The following SRGAP2C variants were observed in gnomAD, a reference collection of about 807,000 sequenced individuals.
The protein encoded by SRGAP2C is SLIT-ROBO Rho GTPase-activating protein 2C.
A neutral mutation model predicts 25.1 loss-of-function variants in SRGAP2C; 15 were observed. The ratio of observed to expected loss-of-function variants is 0.60; its 90% confidence interval spans 0.40 to 0.92. The LOEUF is 0.92. SRGAP2C is among the 40% of genes least tolerant of loss of function. The probability of loss-of-function intolerance (pLI) is 0.00; values close to 1 mark genes in which losing one functional copy is unlikely to be tolerated. For missense variants in SRGAP2C, 144 were observed against 264.4 expected, an observed-to-expected ratio of 0.54 and a Z score of 3.16; for synonymous variants, 44 against 96.6, an observed-to-expected ratio of 0.46 and a Z score of 3.19.
At chr1:121,307,714 C>CA (rs1353042496) in intron 3 of SRGAP2C, among the ~76,000 whole-genome samples, 3 of 149,974 alleles carry the variant, frequency 2.0e-5, no homozygotes, top group African/African-American at 7.4e-5. Context: ...AGGATGACCC[C>CA]AATCACTTAG....
intron 3 of SRGAP2C, chr1:121,314,801 C>A (rs1444251798): frequency 1.1e-5 from 5 of 447,996 alleles, no homozygotes; most frequent in African/African-American, 2.0e-5. Flanking sequence ...CTCCAGCTGC[C>A]TGCTGGGAGA....
intron 2 of SRGAP2C, among the ~76,000 whole-genome samples, chr1:121,202,340 C>T (rs1181295221): frequency 1.9e-4 from 29 of 152,096 alleles, no homozygotes; most frequent in Non-Finnish European, 2.9e-5. Flanking sequence ...CTCCTCACTT[C>T]CTCCAGTGTT....
Position 121,318,662 on chromosome 1 carries a change from T to C in SRGAP2C, c.261-5816T>C, listed in dbSNP as rs1553340768. ...AGAAATTATATTCTGCTTAGATGTA[T>C]TGATAGTTGCCATCTCGCTATGCAG... On this transcript the variant is annotated intron_variant, in intron 3 of 9. Transcript: ENST00000367123. Among the ~76,000 whole-genome samples, 15 of 86,456 alleles carry C rather than the reference T, an allele frequency of 1.7e-4. 3 individuals are homozygous for C. The South Asian group carries it at 4.5e-3, about 26-fold the overall frequency. 56.7% of individuals were successfully genotyped at this position (86,456 alleles called of 152,430 possible).
At chr1:121,334,890 A>G (rs2101619293) in intron 4 of SRGAP2C, among the ~76,000 whole-genome samples, 1 of 140,494 alleles carries the variant, frequency 7.1e-6, no homozygotes, top group African/African-American at 2.7e-5. Flanking sequence ...CTTTGTTATC[A>G]ATTGCATGTA....
chr1:121,219,052 C>T (rs1216567829), intron 2 of SRGAP2C, among the ~76,000 whole-genome samples: 1 of 152,156 alleles, frequency 6.6e-6, no homozygotes, highest in Admixed American at 6.5e-5. Flanking sequence ...TTCTTCCAAG[C>T]ATTCAACCTC....
intron 2 of SRGAP2C, among the ~76,000 whole-genome samples, chr1:121,254,439 T>C (rs1176487313): frequency 1.2e-5 from 1 of 84,184 alleles, no homozygotes; most frequent in African/African-American, 4.0e-5. Context: ...ACATTTAAAA[T>C]AACATTTCCT....
chr1:121,269,951 T>C (rs1553334991), intron 2 of SRGAP2C, among the ~76,000 whole-genome samples: 1 of 151,776 alleles, frequency 6.6e-6, no homozygotes, highest in East Asian at 1.9e-4. Context: ...CTTATCTTTT[T>C]TTTGTTGTTT....
chr1:121,249,923 T>TA (rs587758803), intron 2 of SRGAP2C, among the ~76,000 whole-genome samples: 10 of 7,148 alleles, frequency 1.4e-3, no homozygotes, highest in Non-Finnish European at 2.0e-3. Flanking sequence ...CATCCTTTTT[T>TA]ATGGCTGTAT....
intron 2 of SRGAP2C, among the ~76,000 whole-genome samples, chr1:121,250,934 C>CT (rs1306948720): frequency 7.0e-6 from 1 of 143,690 alleles, no homozygotes; most frequent in Non-Finnish European, 1.5e-5. Flanking sequence ...AAGCTGGATA[C>CT]TTAAGAGTTG....
Position 121,354,402 on chromosome 1 carries a change from T to C in SRGAP2C, c.424-10891T>C, listed in dbSNP as rs1266671742. Among the ~76,000 whole-genome samples, 139 of 63,212 alleles carry C rather than the reference T, an allele frequency of 2.2e-3. 9 individuals carry two copies. Among genetic ancestry groups the C allele is most frequent in the Non-Finnish European group, 2.9e-3 (93 of 31,950 alleles). 41.5% of individuals were successfully genotyped at this position (63,212 alleles called of 152,430 possible). On this transcript the variant is annotated intron_variant, in intron 4 of 9. Coordinates refer to ENST00000367123, the MANE Select transcript of SRGAP2C (RefSeq NM_001329984.2). Reference sequence around the variant, plus strand: ...CTTTCTGTCCTTTTTTTTTCTTTTTTTTTTTTTTTTTTTTTTTCTGAGTCT... The same window carrying C: ...CTTTCTGTCCTTTTTTTTTCTTTTTCTTTTTTTTTTTTTTTTTCTGAGTCT...
intron 3 of SRGAP2C, among the ~76,000 whole-genome samples, chr1:121,286,000 A>T (rs1315936441): frequency 6.6e-6 from 1 of 152,226 alleles, no homozygotes; most frequent in Non-Finnish European, 1.5e-5. Context: ...CTTAAAAAAA[A>T]TTGCAAAAAA....
chr1:121,280,088 CAT>C (rs1292376114), intron 2 of SRGAP2C, among the ~76,000 whole-genome samples: 4 of 149,858 alleles, frequency 2.7e-5, no homozygotes, highest in Non-Finnish European at 5.9e-5. Context: ...ATTTTTTAAA[CAT>C]ATTCACAAGG....
At chr1:121,212,501 T>C (rs1488489627) in intron 2 of SRGAP2C, among the ~76,000 whole-genome samples, 24 of 151,582 alleles carry the variant, frequency 1.6e-4, no homozygotes, top group Non-Finnish European at 3.5e-4. Context: ...CAGTATTGTA[T>C]GGGGAGCTCT....
intron 2 of SRGAP2C, among the ~76,000 whole-genome samples, chr1:121,255,742 C>T (rs1262381463): frequency 2.0e-5 from 3 of 151,632 alleles, no homozygotes; most frequent in South Asian, 2.1e-4. Context: ...CACTTGAACC[C>T]GGGAGGCGTA....
chr1:121,277,439 G>A (rs1657131381), intron 2 of SRGAP2C, among the ~76,000 whole-genome samples: 1 of 150,332 alleles, frequency 6.7e-6, no homozygotes, highest in South Asian at 2.1e-4. Flanking sequence ...TTGAGATGAG[G>A]TCTTGCTATG....
chr1:121,339,336 C>T (rs1658595602), intron 4 of SRGAP2C, among the ~76,000 whole-genome samples: 1 of 150,028 alleles, frequency 6.7e-6, no homozygotes, highest in African/African-American at 2.5e-5. Context: ...ACTGCAACCT[C>T]CGCCTCCCGG....
At chr1:121,275,096 T>C (rs1460520243) in intron 2 of SRGAP2C, among the ~76,000 whole-genome samples, 1 of 147,560 alleles carries the variant, frequency 6.8e-6, no homozygotes, top group African/African-American at 2.5e-5. Flanking sequence ...TTTCTTCCTC[T>C]CTTAATGTAG....
At chr1:121,198,610 T>C (rs1654899736) in intron 2 of SRGAP2C, among the ~76,000 whole-genome samples, 1 of 136,588 alleles carries the variant, frequency 7.3e-6, no homozygotes, top group African/African-American at 2.8e-5. Flanking sequence ...AAGAGTTGGC[T>C]GTTGCCAACT....
intron 3 of SRGAP2C, among the ~76,000 whole-genome samples, chr1:121,304,075 GT>G (rs1657764075): frequency 2.6e-5 from 4 of 152,054 alleles, no homozygotes; most frequent in African/African-American, 9.6e-5. Flanking sequence ...GCCGGGCATG[GT>G]GGCAGGCACA....
Sources: gnomAD v4.1 joint callset for allele counts (sites outside exome capture counted in the v4.1 genomes callset) on GRCh38, gnomAD v4.1.1 for gene constraint, MANE v1.5 for transcripts, NCBI Gene and HGNC (gene_info 2026-07-23, HGNC 2026-07-21) for gene names.